FHIT: variants seen among roughly 807,000 people sequenced by gnomAD.
The protein encoded by FHIT is fragile histidine triad diadenosine triphosphatase.
Under a neutral mutation model 17.9 loss-of-function variants are expected in FHIT, and 19 were observed. The ratio of observed to expected loss-of-function variants is 1.06; its 90% confidence interval spans 0.74 to 1.56. The LOEUF is 1.56. Among genes scored for constraint, FHIT ranks in the 40% most tolerant of loss-of-function variants. The probability of loss-of-function intolerance (pLI) is 0.00; values close to 1 mark genes in which losing one functional copy is unlikely to be tolerated. For synonymous variants in FHIT, 81 were observed against 69.7 expected (o/e 1.16, Z -0.81); for missense variants, 248 against 189.2 (o/e 1.31, Z -1.82).
intron 5 of FHIT, among the ~76,000 whole-genome samples, chr3:60,172,634 G>T (rs1425814428): frequency 6.6e-6 from 1 of 152,062 alleles, no homozygotes; most frequent in Admixed American, 6.5e-5. Context: ...CAGAAAAAAT[G>T]TTGGGAAAAC....
chr3:60,133,825 T>C (rs1699697825), intron 5 of FHIT, among the ~76,000 whole-genome samples: 1 of 151,360 alleles, frequency 6.6e-6, no homozygotes, highest in Non-Finnish European at 1.5e-5. Flanking sequence ...CTATTTTAAA[T>C]AGCATCTAAA....
At chr3:60,141,488 T>C (rs943951020) in intron 5 of FHIT, among the ~76,000 whole-genome samples, 3 of 151,672 alleles carry the variant, frequency 2.0e-5, no homozygotes, top group African/African-American at 7.3e-5. Flanking sequence ...TACAAATACA[T>C]GAGAATCAGC....
chr3:59,958,078 T>C (rs932406670), intron 7 of FHIT, among the ~76,000 whole-genome samples: 46 of 152,236 alleles, frequency 3.0e-4, no homozygotes, highest in African/African-American at 1.1e-3. Context: ...AAATTAGATA[T>C]TCAGCATAGG....
At chr3:60,586,906 C>A (rs2037925378) in intron 4 of FHIT, among the ~76,000 whole-genome samples, 1 of 151,880 alleles carries the variant, frequency 6.6e-6, no homozygotes, top group Non-Finnish European at 1.5e-5. Flanking sequence ...ATGCCTAGTA[C>A]CTGGGTGATG....
intron 8 of FHIT, among the ~76,000 whole-genome samples, chr3:59,881,468 C>G (rs1299488401): frequency 1.3e-5 from 2 of 152,170 alleles, no homozygotes; most frequent in Non-Finnish European, 2.9e-5. Context: ...ATAAGGCAGT[C>G]ATTTTCAAAC....
At chr3:60,443,307 A>T (rs1408771278) in intron 5 of FHIT, among the ~76,000 whole-genome samples, 1 of 152,154 alleles carries the variant, frequency 6.6e-6, no homozygotes, top group Non-Finnish European at 1.5e-5. Flanking sequence ...TTCCAACACT[A>T]TGTTGAATAG....
At chr3:59,869,029 G>A (rs929432282) in intron 8 of FHIT, among the ~76,000 whole-genome samples, 1 of 152,146 alleles carries the variant, frequency 6.6e-6, no homozygotes, top group East Asian at 1.9e-4. Flanking sequence ...ACTATGACCA[G>A]TAAACCACCC....
At chr3:60,095,383 A>G (rs1424614453) in intron 5 of FHIT, among the ~76,000 whole-genome samples, 1 of 152,052 alleles carries the variant, frequency 6.6e-6, no homozygotes, top group African/African-American at 2.4e-5. Flanking sequence ...TGCTTTTTCT[A>G]TTGTTTTTCA....
At chr3:60,701,484 G>T (rs187785370) in intron 4 of FHIT, among the ~76,000 whole-genome samples, 65 of 152,234 alleles carry the variant, frequency 4.3e-4, no homozygotes, top group African/African-American at 1.5e-3. Flanking sequence ...GGTCGGAAAG[G>T]GGGGAGTGCT....
chr3:60,383,358 G>T (rs185426561), intron 5 of FHIT, among the ~76,000 whole-genome samples: 19 of 151,854 alleles, frequency 1.3e-4, no homozygotes, highest in Non-Finnish European at 2.8e-4. Context: ...TTTCCAAATC[G>T]CTAGGGGTTA....
intron 3 of FHIT, among the ~76,000 whole-genome samples, chr3:61,018,377 C>G (rs2032229901): frequency 6.6e-6 from 1 of 152,222 alleles, no homozygotes; most frequent in African/African-American, 2.4e-5. Flanking sequence ...AGCAAACCAA[C>G]TTGCTGTTGG....
Position 60,748,508 on chromosome 3 carries a change from C to T in FHIT, c.-18+73411G>A, listed in dbSNP as rs139467062. On this transcript the variant is annotated intron_variant, in intron 4 of 9. Coordinates refer to ENST00000492590, the MANE Select transcript of FHIT (RefSeq NM_002012.4). Reference sequence around the variant, plus strand: ...CAAATATAACCTGTACACATCCTCCCGTATAATTTAAATCATATCTAGGCC... The same window carrying T: ...CAAATATAACCTGTACACATCCTCCTGTATAATTTAAATCATATCTAGGCC... 4.3e-4 allele frequency among the ~76,000 whole-genome samples: 65 copies of T among 152,224 alleles called. No homozygotes were observed. In the East Asian group the frequency reaches 0.011, roughly 25 times the overall value.
intron 8 of FHIT, among the ~76,000 whole-genome samples, chr3:59,854,171 C>G (rs1342146568): frequency 6.6e-6 from 1 of 152,132 alleles, no homozygotes; most frequent in Non-Finnish European, 1.5e-5. Context: ...AGGAAATCCC[C>G]AGAAGCCTAA....
intron 3 of FHIT, among the ~76,000 whole-genome samples, chr3:60,989,195 C>T (rs2029946342): frequency 6.6e-6 from 1 of 152,132 alleles, no homozygotes; most frequent in African/African-American, 2.4e-5. Context: ...CAGAGTCTTG[C>T]TGAAGTGCCA....
At chr3:60,420,742 A>T (rs1480308020) in intron 5 of FHIT, among the ~76,000 whole-genome samples, 1 of 152,176 alleles carries the variant, frequency 6.6e-6, no homozygotes, top group East Asian at 1.9e-4. Flanking sequence ...CTTGGTATTT[A>T]AATGGTTTAA....
At chr3:59,911,064 T>C (rs895099813) in intron 8 of FHIT, among the ~76,000 whole-genome samples, 2 of 152,236 alleles carry the variant, frequency 1.3e-5, no homozygotes, top group Non-Finnish European at 1.5e-5. Flanking sequence ...TTTTTACTAA[T>C]GATAAATCAT....
Position 60,274,395 on chromosome 3 carries a change from G to C in FHIT, c.104-260243C>G, listed in dbSNP as rs141012105. Among the ~76,000 whole-genome samples, 80 of 152,130 alleles carry C rather than the reference G, an allele frequency of 5.3e-4. No homozygotes were observed. In the East Asian group the frequency reaches 0.014, roughly 26 times the overall value. On this transcript the variant is annotated intron_variant, in intron 5 of 9. Coordinates refer to ENST00000492590, the MANE Select transcript of FHIT (RefSeq NM_002012.4). ...CATATCAGTCACTCAATAAATATTT[G>C]AAGAACGAAATGACAAAATACCCTT... is the stretch of plus-strand genomic sequence containing the variant.
intron 4 of FHIT, among the ~76,000 whole-genome samples, chr3:60,548,194 G>A (rs975260423): frequency 2.4e-4 from 36 of 151,606 alleles, no homozygotes; most frequent in Non-Finnish European, 4.9e-4. Flanking sequence ...ATTATTCAAG[G>A]ATTTCTTAAA....
At chr3:60,601,131 T>C (rs1304091438) in intron 4 of FHIT, among the ~76,000 whole-genome samples, 2 of 152,152 alleles carry the variant, frequency 1.3e-5, no homozygotes, top group African/African-American at 4.8e-5. Context: ...GCAACAATGC[T>C]GGTTGAGGAA....
Sources: gnomAD v4.1 joint callset for allele counts (sites outside exome capture counted in the v4.1 genomes callset) on GRCh38, gnomAD v4.1.1 for gene constraint, MANE v1.5 for transcripts, NCBI Gene and HGNC (gene_info 2026-07-23, HGNC 2026-07-21) for gene names.